GRAMD2B: variants seen among roughly 807,000 people sequenced by gnomAD.
The protein encoded by GRAMD2B is GRAM domain-containing protein 2B.
In GRAMD2B, 41 loss-of-function variants were observed where a neutral mutation model predicts 59.2. That is an observed-to-expected ratio of 0.69 (90% CI 0.54 to 0.90). The LOEUF is 0.90. GRAMD2B is among the 40% of genes least tolerant of loss of function. The pLI is 0.00. For synonymous variants in GRAMD2B, 161 were observed against 182.7 expected (o/e 0.88, Z 0.96); for missense variants, 424 against 500.5 (o/e 0.85, Z 1.46).
At chr5:126,411,525 A>C (rs1248478298) in intron 1 of GRAMD2B, among the ~76,000 whole-genome samples, 4 of 151,916 alleles carry the variant, frequency 2.6e-5, no homozygotes, top group African/African-American at 9.7e-5. Context: ...ATAGTTTGAA[A>C]TTAGGTGATT....
rs1774241932 is a variant in GRAMD2B, at chr5:126,493,227, C to T, written c.*271C>T. ...CATCTCTGGAGGTCTCAGGAAGGGC[C>T]CAGCGAACACACTCTCTTGGATAAT... On this transcript the variant is annotated 3_prime_UTR_variant, in exon 14 of 14. Coordinates refer to ENST00000285689, the MANE Select transcript of GRAMD2B (RefSeq NM_023927.4). 2 of 457,076 alleles carry T rather than the reference C, an allele frequency of 4.4e-6. No homozygotes were observed. Among genetic ancestry groups the T allele is most frequent in the South Asian group, 5.8e-5 (2 of 34,244 alleles). The allele number at this position is 457,076 out of a possible 1,614,324, so 28.3% of individuals were successfully genotyped here. A position where few individuals can be genotyped will look rare whatever the true frequency, so the allele number is the denominator to read the frequency against.
At chr5:126,396,032 C>T (rs1296893045) in intron 1 of GRAMD2B, among the ~76,000 whole-genome samples, 1 of 152,040 alleles carries the variant, frequency 6.6e-6, no homozygotes, top group Non-Finnish European at 1.5e-5. Context: ...AAAAGGGTTC[C>T]CTTTTCTCCA....
intron 1 of GRAMD2B, among the ~76,000 whole-genome samples, chr5:126,460,813 C>A (rs1767214752): frequency 6.6e-6 from 1 of 152,224 alleles, no homozygotes; most frequent in Non-Finnish European, 1.5e-5. Context: ...CAGACCCACC[C>A]ATGACCACAG....
At chr5:126,438,545 C>T (rs1762781719) in intron 1 of GRAMD2B, among the ~76,000 whole-genome samples, 1 of 152,176 alleles carries the variant, frequency 6.6e-6, no homozygotes, top group Non-Finnish European at 1.5e-5. Context: ...AGGCCCCTTT[C>T]ACCAAGAAAG....
chr5:126,418,228 C>T (rs1254041537), intron 1 of GRAMD2B, among the ~76,000 whole-genome samples: 2 of 152,126 alleles, frequency 1.3e-5, no homozygotes, highest in Admixed American at 1.3e-4. Flanking sequence ...AGGGACCCTC[C>T]CAATTCACAC....
intron 1 of GRAMD2B, among the ~76,000 whole-genome samples, chr5:126,463,641 A>T (rs934273063): frequency 3.3e-5 from 5 of 152,232 alleles, no homozygotes; most frequent in African/African-American, 1.2e-4. Flanking sequence ...ACTTGGAGAA[A>T]AATTGAAGAA....
At chr5:126,389,435 T>A (rs1264116121) in intron 1 of GRAMD2B, among the ~76,000 whole-genome samples, 1 of 152,198 alleles carries the variant, frequency 6.6e-6, no homozygotes, top group Non-Finnish European at 1.5e-5. Context: ...ACCTCCTGAA[T>A]TGCCACACTT....
chr5:126,371,436 G>A (rs1400212535), exon 1 of GRAMD2B: 6 of 1,285,620 alleles, frequency 4.7e-6, no homozygotes, highest in Non-Finnish European at 6.1e-6. Context: ...GGGTCAATAA[G>A]CGCACAATGG....
At chr5:126,398,692 T>C (rs1209126388) in intron 1 of GRAMD2B, among the ~76,000 whole-genome samples, 1 of 152,108 alleles carries the variant, frequency 6.6e-6, no homozygotes, top group Non-Finnish European at 1.5e-5. Flanking sequence ...TAAAGTTAGA[T>C]TGTTTATGCA....
At chr5:126,461,656 C>G (rs1408983228) in intron 1 of GRAMD2B, among the ~76,000 whole-genome samples, 1 of 152,060 alleles carries the variant, frequency 6.6e-6, no homozygotes, top group Non-Finnish European at 1.5e-5. Context: ...AAAAATTAGC[C>G]AGACATGGTG....
chr5:126,393,028 AC>A (rs1252452261), intron 1 of GRAMD2B, among the ~76,000 whole-genome samples: 2 of 152,234 alleles, frequency 1.3e-5, no homozygotes, highest in African/African-American at 4.8e-5. Context: ...ACATAATTAC[AC>A]CGCAGGACTC....
intron 6 of GRAMD2B, 53 bp downstream of exon 6, chr5:126,477,840 T>C: frequency 2.9e-6 from 3 of 1,051,786 alleles, no homozygotes; most frequent in Non-Finnish European, 4.5e-6. Context: ...TGCTCTGGGC[T>C]CTGCTGCCTA....
chr5:126,371,686 G>A, intron 1 of GRAMD2B: 1 of 933,502 alleles, frequency 1.1e-6, no homozygotes, highest in Non-Finnish European at 1.4e-6. Flanking sequence ...GCCATGGGAA[G>A]AGAAGGTGCA....
intron 1 of GRAMD2B, among the ~76,000 whole-genome samples, chr5:126,361,489 T>TAA (rs11300255): frequency 0.17 from 24,370 of 140,608 alleles, 2,550 homozygotes; most frequent in East Asian, 0.28. Context: ...TCCGAAATGG[T>TAA]AAAAAAAAAA....
intron 8 of GRAMD2B, among the ~76,000 whole-genome samples, chr5:126,482,954 G>A (rs1386447196): frequency 6.6e-6 from 1 of 152,084 alleles, no homozygotes. Context: ...ATTTAGTTGA[G>A]GGGAGAAAAA....
chr5:126,400,613 T>C (rs555536825), intron 1 of GRAMD2B, among the ~76,000 whole-genome samples: 18 of 152,174 alleles, frequency 1.2e-4, no homozygotes, highest in Non-Finnish European at 1.5e-4. Flanking sequence ...ACATGAAGAA[T>C]GCCCTTTACT....
At chr5:126,450,383 TTCTC>T (rs138947465) in intron 1 of GRAMD2B, among the ~76,000 whole-genome samples, 1 of 151,336 alleles carries the variant, frequency 6.6e-6, no homozygotes, top group Non-Finnish European at 1.5e-5. Context: ...GCATAATATA[TTCTC>T]TCTCTCTCTC....
Position 126,423,708 on chromosome 5 carries a change from G to C in GRAMD2B, c.83+19G>C. ...CAGCCCAGTGAGTATTCTCAGCTGG[G>C]ACCCATCCAAGGAGGTGGGAGGAGC... On this transcript the variant is annotated intron_variant, in intron 1 of 13. Coordinates refer to ENST00000285689, the MANE Select transcript of GRAMD2B (RefSeq NM_023927.4). The C allele has an allele frequency of 6.3e-7, 1 of 1,594,594 alleles. No homozygotes were observed. The highest frequency in any genetic ancestry group is 8.5e-7 in the Non-Finnish European group (1 of 1,172,024).
At chr5:126,447,920 C>T (rs67689564) in intron 1 of GRAMD2B, among the ~76,000 whole-genome samples, 41,189 of 150,912 alleles carry the variant, frequency 0.27, 5,921 homozygotes, top group African/African-American at 0.37. Context: ...CACAGTGTGG[C>T]ATGATCTCGG....
Sources: allele counts gnomAD v4.1 joint callset (sites outside exome capture counted in the v4.1 genomes callset), GRCh38; gene constraint gnomAD v4.1.1; transcripts MANE v1.5; gene names NCBI Gene and HGNC (gene_info 2026-07-23, HGNC 2026-07-21).